Variants in ATAD2B observed in about 807,000 individuals in gnomAD.
ATAD2B encodes the protein ATPase family AAA domain-containing protein 2B.
ATAD2B carries 40 observed loss-of-function variants against 167.6 expected under a neutral mutation model. That is an observed-to-expected ratio of 0.24 (90% CI 0.19 to 0.31). The LOEUF (loss-of-function observed/expected upper bound fraction) is 0.31, where lower values mean the gene tolerates loss of function less well. Ranked by LOEUF, ATAD2B falls within the 10% of genes least tolerant of loss-of-function variation. The probability of loss-of-function intolerance (pLI) is 1.00; values close to 1 mark genes in which losing one functional copy is unlikely to be tolerated. For missense variants in ATAD2B, 1,242 were observed against 1,757.2 expected, an observed-to-expected ratio of 0.71 and a Z score of 5.24; for synonymous variants, 579 against 596.5, an observed-to-expected ratio of 0.97 and a Z score of 0.43.
chr2:23,868,446 A>C (rs935728622), intron 9 of ATAD2B, among the ~76,000 whole-genome samples: 7 of 152,224 alleles, frequency 4.6e-5, no homozygotes, highest in African/African-American at 1.7e-4. Context: ...AACTACAGGC[A>C]GGCAACACTA....
intron 17 of ATAD2B, among the ~76,000 whole-genome samples, chr2:23,814,070 T>C (rs1054882246): frequency 9.9e-5 from 15 of 152,008 alleles, no homozygotes; most frequent in South Asian, 2.1e-4. Context: ...CTGGGCGACA[T>C]AGACATCCTA....
the ATAD2B span, among the ~76,000 whole-genome samples, chr2:23,685,994 GAT>G: frequency 2.6e-4 from 40 of 152,356 alleles, no homozygotes; most frequent in African/African-American, 8.9e-4. Flanking sequence ...AGGGCCCTCG[GAT>G]GGCTTTCAGA....
intron 1 of ATAD2B, among the ~76,000 whole-genome samples, chr2:23,906,454 T>G (rs989258852): frequency 2.0e-5 from 3 of 152,236 alleles, no homozygotes; most frequent in Admixed American, 6.5e-5. Context: ...AAAGAAATAT[T>G]AGAACTATTA....
At chr2:23,814,070 T>A (rs1054882246) in intron 17 of ATAD2B, among the ~76,000 whole-genome samples, 2 of 152,008 alleles carry the variant, frequency 1.3e-5, no homozygotes, top group Non-Finnish European at 2.9e-5. Context: ...CTGGGCGACA[T>A]AGACATCCTA....
intron 7 of ATAD2B, among the ~76,000 whole-genome samples, chr2:23,878,991 T>C (rs1697457100): frequency 6.6e-6 from 1 of 152,194 alleles, no homozygotes; most frequent in African/African-American, 2.4e-5. Context: ...TAAAATTAAT[T>C]AATTAATCTG....
intron 15 of ATAD2B, among the ~76,000 whole-genome samples, chr2:23,826,576 A>G (rs111354201): frequency 0.023 from 3,439 of 152,292 alleles, 67 homozygotes; most frequent in Non-Finnish European, 0.031. Flanking sequence ...ATTGTTCTAA[A>G]AAGACTGAAA....
chr2:23,695,707 A>G, the ATAD2B span: 1 of 1,551,506 alleles, frequency 6.4e-7, no homozygotes, highest in East Asian at 2.4e-5. The surrounding 1 kb of genome is among the most constrained non-coding windows in gnomAD (Gnocchi z 7.6). Context: ...TGAAGAGCTG[A>G]TCAAGTCATC....
In ATAD2B at chr2:23,749,669, G is replaced by A. The variant is rs1369115851; in HGVS notation, c.*2377C>T. On this transcript the variant is annotated 3_prime_UTR_variant, in exon 28 of 28. Coordinates refer to ENST00000238789, the MANE Select transcript of ATAD2B (RefSeq NM_017552.4). The stretch of plus-strand genomic sequence containing the variant: ...AAGACCTAAACTGTTCAAAGTGGCA[G>A]TTCCTATACTGAGGTTGCCTCCAAT... The A allele has an allele frequency of 3.3e-5, 5 of 152,032 alleles. No homozygotes were observed. The highest frequency in any genetic ancestry group is 7.4e-5 in the Non-Finnish European group (5 of 67,984). The allele number at this position is 152,032 out of a possible 1,614,324, so 9.4% of individuals were successfully genotyped here. A position where few individuals can be genotyped will look rare whatever the true frequency, so the allele number is the denominator to read the frequency against.
the ATAD2B span, chr2:23,691,495 TCA>T: frequency 1.6e-6 from 1 of 607,112 alleles, no homozygotes; most frequent in African/African-American, 1.9e-5. Flanking sequence ...GCGTCTCTGG[TCA>T]GACTCTTCTC....
At chr2:23,762,396 A>C (rs1484845930) in intron 23 of ATAD2B, 50 bp from the exon 24 acceptor site, 1 of 1,535,922 alleles carries the variant, frequency 6.5e-7, no homozygotes, top group Non-Finnish European at 8.7e-7. Context: ...CAGCTACATA[A>C]ACCAAAAGGT....
intron 12 of ATAD2B, 81 bp downstream of exon 12, chr2:23,863,300 G>A (rs1694695106): frequency 7.3e-7 from 1 of 1,364,592 alleles, no homozygotes; most frequent in African/African-American, 1.5e-5. Flanking sequence ...GTAACAGAGA[G>A]AGGCCCTGTC....
chr2:23,927,110 G>C lies in ATAD2B; in HGVS notation c.-340C>G. ...CTCCGTGCGTCAAGGCTCCAGCGCC[G>C]CAGGGCCAACGAGACCGCTTCCGGC... On this transcript the variant is annotated 5_prime_UTR_variant, in exon 1 of 28. Coordinates refer to ENST00000238789, the MANE Select transcript of ATAD2B (RefSeq NM_017552.4). 1 of 232,938 alleles carries C rather than the reference G, an allele frequency of 4.3e-6. No homozygotes were observed. Among genetic ancestry groups the C allele is most frequent in the Non-Finnish European group, 8.3e-6 (1 of 119,982 alleles). The allele number at this position is 232,938 out of a possible 1,614,324, so 14.4% of individuals were successfully genotyped here. A position where few individuals can be genotyped will look rare whatever the true frequency, so the allele number is the denominator to read the frequency against.
the ATAD2B span, among the ~76,000 whole-genome samples, chr2:23,679,824 G>C: frequency 6.6e-6 from 1 of 152,200 alleles, no homozygotes; most frequent in Non-Finnish European, 1.5e-5. Context: ...AGAGGCCCAG[G>C]ACAAAATAAC....
chr2:23,883,240 A>G (rs1698213405), intron 6 of ATAD2B, among the ~76,000 whole-genome samples: 1 of 150,528 alleles, frequency 6.6e-6, no homozygotes, highest in African/African-American at 2.4e-5. Context: ...TGATTGTGAC[A>G]ATGTGCTCCA....
intron 6 of ATAD2B, among the ~76,000 whole-genome samples, chr2:23,881,685 C>T (rs896019119): frequency 6.7e-5 from 10 of 149,856 alleles, no homozygotes. Context: ...AAACTGTATA[C>T]ACTTAAAAAA....
In ATAD2B at chr2:23,911,794, G is replaced by A. The variant is rs922227624; in HGVS notation, c.216+14761C>T. 3.3e-5 allele frequency among the ~76,000 whole-genome samples: 5 copies of A among 151,974 alleles called. No individual in the cohort carries two copies. The South Asian group carries it at 8.3e-4, about 25-fold the overall frequency. On this transcript the variant is annotated intron_variant, in intron 1 of 27. Coordinates refer to ENST00000238789, the MANE Select transcript of ATAD2B (RefSeq NM_017552.4). ...GTTCGAGAGCAGCCTGGCCAACATG[G>A]TGAAACCTTGTCTCTACTAAAAATA...
intron 2 of ATAD2B, among the ~76,000 whole-genome samples, chr2:23,891,966 G>A (rs904877344): frequency 6.6e-6 from 1 of 152,236 alleles, no homozygotes; most frequent in Non-Finnish European, 1.5e-5. Context: ...GGCATTTAAT[G>A]ATTTATGAGG....
At chr2:23,756,274 T>C (rs1202229867) in intron 25 of ATAD2B, among the ~76,000 whole-genome samples, 1 of 152,104 alleles carries the variant, frequency 6.6e-6, no homozygotes, top group Non-Finnish European at 1.5e-5. Context: ...ATAAGACAAA[T>C]GTTTAACAGG....
the ATAD2B span, among the ~76,000 whole-genome samples, chr2:23,719,238 G>T: frequency 6.6e-6 from 1 of 152,244 alleles, no homozygotes; most frequent in Non-Finnish European, 1.5e-5. Context: ...TCCCAAGACT[G>T]TAACAGGGCC....
Sources: gnomAD v4.1 joint callset for allele counts (sites outside exome capture counted in the v4.1 genomes callset) on GRCh38, gnomAD v4.1.1 for gene constraint, Gnocchi (gnomAD v3.1) non-coding constraint, MANE v1.5 for transcripts, NCBI Gene and HGNC (gene_info 2026-07-23, HGNC 2026-07-21) for gene names.